The following B3GALT9 variants were observed in gnomAD, a reference collection of about 807,000 sequenced individuals.
B3GALT9 encodes beta-1,3-galactosyltransferase 9, also known as UDP-GlcNAc:betaGal beta-1,3-N-acetylglucosaminyltransferase 10 (putative).
At position 120,796,175 on chromosome 9, in the gene B3GALT9, T is replaced by C. The variant is rs753697067; in HGVS notation, c.-181-248T>C. Among the ~76,000 whole-genome samples, 7 of 152,156 alleles carry C rather than the reference T, an allele frequency of 4.6e-5. No individual in the cohort carries two copies. In the South Asian group the frequency reaches 1.0e-3, roughly 22 times the overall value. On this transcript the variant is annotated intron_variant, in intron 1 of 2. Transcript: ENST00000689072. ...AGCAGGCATTACTCCAGCTGTTTGG[T>C]TTCTTGAGATGCACTCCAAAAAAAA...
At chr9:120,793,961 T>C (rs1588057928) in intron 1 of B3GALT9, 39 bp downstream of exon 1, 1 of 265,518 alleles carries the variant, frequency 3.8e-6, no homozygotes, top group South Asian at 1.7e-4. Context: ...AGTCAAGTGA[T>C]GTAGATTTGA....
rs2044970139 is a variant in B3GALT9, at chr9:120,801,721, C to T, written c.*2043C>T. 6.6e-6 allele frequency among the ~76,000 whole-genome samples: 1 copy of T among 152,224 alleles called. No homozygotes were observed. The highest frequency in any genetic ancestry group is 2.1e-4 in the South Asian group (1 of 4,828). Reference sequence around the variant, plus strand: ...TGCCACTGCACTCCAGCCTGGGCAACAGTCTGAGACTCTATCTCAAAAAAC... The same window carrying T: ...TGCCACTGCACTCCAGCCTGGGCAATAGTCTGAGACTCTATCTCAAAAAAC... On this transcript the variant is annotated 3_prime_UTR_variant, in exon 3 of 3. Coordinates refer to ENST00000689072, the MANE Select transcript of B3GALT9 (RefSeq NM_001386823.1).
In B3GALT9 at chr9:120,798,567, T is replaced by C. The variant is rs1195939016; in HGVS notation, c.7-8T>C. ...GCCTGAATGAACACGTGTCCTTTCC[T>C]TTTTTAGGTGACTTTCTGCAGACTT... is the stretch of plus-strand genomic sequence containing the variant. On this transcript the variant is annotated splice_region_variant and splice_polypyrimidine_tract_variant and intron_variant, in intron 2 of 2. Transcript: ENST00000689072. 2.3e-5 allele frequency: 9 copies of C among 399,592 alleles called. No individual in the cohort carries two copies. Among genetic ancestry groups the C allele is most frequent in the Non-Finnish European group, 3.5e-5 (8 of 226,214 alleles). The allele number at this position is 399,592 out of a possible 1,614,324, so 24.8% of individuals were successfully genotyped here.
Position 120,799,373 on chromosome 9 carries a change from C to G in B3GALT9, c.805C>G (p.Pro269Ala), listed in dbSNP as rs541636936. Residue 269 changes from proline to alanine, a missense_variant, in exon 3 of 3, where the codon CCA becomes GCA. Transcript: ENST00000689072. ...TTTCAAAGAAGTACCCATGATGGTG[C>G]CAGCTGATGTGTTTGTAGGAATTTG... ...VVFKEVPMMV[P>A]ADVFVGICAK... 1 of 399,198 alleles carries G rather than the reference C, an allele frequency of 2.5e-6. No homozygotes were observed. Among genetic ancestry groups the G allele is most frequent in the East Asian group, 3.6e-5 (1 of 28,082 alleles). The allele number at this position is 399,198 out of a possible 1,614,324, so 24.7% of individuals were successfully genotyped here.
At position 120,799,511 on chromosome 9, in the gene B3GALT9, G is replaced by C. The variant is rs2044958082; in HGVS notation, c.943G>C (p.Asp315His). 3 of 399,656 alleles carry C rather than the reference G, an allele frequency of 7.5e-6. No individual in the cohort carries two copies. Among genetic ancestry groups the C allele is most frequent in the Admixed American group, 4.4e-5 (1 of 22,732 alleles). 24.8% of individuals were successfully genotyped at this position (399,656 alleles called of 1,614,324 possible). A position where few individuals can be genotyped will look rare whatever the true frequency, so the allele number is the denominator to read the frequency against. Reference protein sequence around the residue: ...KFIFTSSEIADPEMPLAWKEI... With the variant: ...KFIFTSSEIAHPEMPLAWKEI... ...CATTTTTACATCCTCAGAAATTGCA[G>C]ATCCTGAAATGCCCCTAGCATGGAA... The change falls in exon 3 of 3, where the codon GAT becomes CAT. Residue 315 changes from aspartate (D) to histidine (H), a missense_variant. Coordinates refer to ENST00000689072, the MANE Select transcript of B3GALT9 (RefSeq NM_001386823.1).
intron 1 of B3GALT9, among the ~76,000 whole-genome samples, chr9:120,794,359 G>A (rs2044918033): frequency 6.6e-6 from 1 of 150,448 alleles, no homozygotes; most frequent in African/African-American, 2.5e-5. Flanking sequence ...TTTTTTTGAG[G>A]CAACGTATCA....
chr9:120,794,571 C>T (rs1416209265), intron 1 of B3GALT9, among the ~76,000 whole-genome samples: 1 of 151,200 alleles, frequency 6.6e-6, no homozygotes, highest in Non-Finnish European at 1.5e-5. Flanking sequence ...CAGGGTTTCG[C>T]TATGTTACCC....
At position 120,801,010 on chromosome 9, in the gene B3GALT9, A is replaced by C. The variant is rs141027827; in HGVS notation, c.*1332A>C. ...TGGTTTATTTCATGTAACATAATGCACTCCAGGTTCATCCATGTTGTTGGA... is the reference window on the plus strand; with the variant it reads ...TGGTTTATTTCATGTAACATAATGCCCTCCAGGTTCATCCATGTTGTTGGA... On this transcript the variant is annotated 3_prime_UTR_variant, in exon 3 of 3. Coordinates refer to ENST00000689072, the MANE Select transcript of B3GALT9 (RefSeq NM_001386823.1). Among the ~76,000 whole-genome samples, 844 of 152,230 alleles carry C rather than the reference A, an allele frequency of 5.5e-3. 11 individuals are homozygous for C. Among genetic ancestry groups the C allele is most frequent in the African/African-American group, 0.019 (796 of 41,546 alleles).
rs1016002226 is a variant in B3GALT9, at chr9:120,799,856, T to A, written c.*178T>A. On this transcript the variant is annotated 3_prime_UTR_variant, in exon 3 of 3. Coordinates refer to ENST00000689072, the MANE Select transcript of B3GALT9 (RefSeq NM_001386823.1). Reference sequence around the variant, plus strand: ...CTCAATTACTGAGATCTCAAATTTTTAAAAAATTTAAGTTGGTGTAGCATA... The same window carrying A: ...CTCAATTACTGAGATCTCAAATTTTAAAAAAATTTAAGTTGGTGTAGCATA... The A allele has an allele frequency of 2.6e-6, 1 of 389,500 alleles. No homozygotes were observed. Among genetic ancestry groups the A allele is most frequent in the Non-Finnish European group, 4.5e-6 (1 of 221,178 alleles). 24.1% of individuals were successfully genotyped at this position (389,500 alleles called of 1,614,324 possible).
chr9:120,794,820 C>T (rs928029917), intron 1 of B3GALT9, among the ~76,000 whole-genome samples: 1 of 152,172 alleles, frequency 6.6e-6, no homozygotes, highest in African/African-American at 2.4e-5. Context: ...AAGGCAGTCA[C>T]TAGTCTCTTG....
chr9:120,798,525 A>G (rs2044952662), intron 2 of B3GALT9, 50 bp from the exon 3 acceptor site: 1 of 399,428 alleles, frequency 2.5e-6, no homozygotes. Flanking sequence ...GAGGGCAAAA[A>G]CAGGAATAGA....
chr9:120,801,287 A>G lies in B3GALT9; in HGVS notation c.*1609A>G, dbSNP rs1326663691. Among the ~76,000 whole-genome samples, 3 of 152,172 alleles carry G rather than the reference A, an allele frequency of 2.0e-5. No individual in the cohort carries two copies. Among genetic ancestry groups the G allele is most frequent in the African/African-American group, 7.2e-5 (3 of 41,420 alleles). The stretch of plus-strand genomic sequence containing the variant: ...TTTAATTTTGTGAGGAACCTCCATA[A>G]TGGCTGTATTATTGGTTTACCATAA... On this transcript the variant is annotated 3_prime_UTR_variant, in exon 3 of 3. Transcript: ENST00000689072.
chr9:120,800,254 A>G lies in B3GALT9; in HGVS notation c.*576A>G, dbSNP rs2044962654. Among the ~76,000 whole-genome samples, 2 of 151,900 alleles carry G rather than the reference A, an allele frequency of 1.3e-5. No homozygotes were observed. The highest frequency in any genetic ancestry group is 1.3e-4 in the Admixed American group (2 of 15,256). The stretch of plus-strand genomic sequence containing the variant: ...TGCCTCAGCCTCCCAAGTAGCTGGG[A>G]TTACAGGTGCCTGCCACCACGCCTG... On this transcript the variant is annotated 3_prime_UTR_variant, in exon 3 of 3. Coordinates refer to ENST00000689072, the MANE Select transcript of B3GALT9 (RefSeq NM_001386823.1).
chr9:120,793,771 C>T lies in B3GALT9; in HGVS notation c.-333C>T. On this transcript the variant is annotated 5_prime_UTR_variant, in exon 1 of 3. Transcript: ENST00000689072. ...AGAGACGTGTCCAAATTCATACAACCTGTTGGGCACCTCTTTATCCCGAAC... is the reference window on the plus strand; with the variant it reads ...AGAGACGTGTCCAAATTCATACAACTTGTTGGGCACCTCTTTATCCCGAAC... 2.5e-6 allele frequency: 1 copy of T among 397,628 alleles called. No homozygotes were observed. Among genetic ancestry groups the T allele is most frequent in the Non-Finnish European group, 4.4e-6 (1 of 225,628 alleles). The allele number at this position is 397,628 out of a possible 1,614,324, so 24.6% of individuals were successfully genotyped here. A position where few individuals can be genotyped will look rare whatever the true frequency, so the allele number is the denominator to read the frequency against.
intron 1 of B3GALT9, among the ~76,000 whole-genome samples, chr9:120,795,011 C>T (rs1326658385): frequency 6.6e-6 from 1 of 152,090 alleles, no homozygotes; most frequent in Non-Finnish European, 1.5e-5. Flanking sequence ...AGGTTCCAAG[C>T]ATCCTGACTT....
At chr9:120,795,592 G>C (rs2131403853) in intron 1 of B3GALT9, among the ~76,000 whole-genome samples, 1 of 152,270 alleles carries the variant, frequency 6.6e-6, no homozygotes, top group Admixed American at 6.5e-5. Flanking sequence ...AAGATTGTAT[G>C]ATGGTTGCTG....
chr9:120,798,511 C>T (rs2044952593), intron 2 of B3GALT9, 64 bp from the exon 3 acceptor site: 2 of 398,970 alleles, frequency 5.0e-6, no homozygotes, highest in African/African-American at 4.1e-5. Flanking sequence ...GTATAGGGTT[C>T]AATGAGGGCA....
intron 1 of B3GALT9, among the ~76,000 whole-genome samples, chr9:120,794,655 G>A (rs2044923311): frequency 6.6e-6 from 1 of 152,024 alleles, no homozygotes; most frequent in East Asian, 1.9e-4. Context: ...GATTACAGGG[G>A]TGAACCACAA....
chr9:120,794,983 G>C (rs934159148), intron 1 of B3GALT9, among the ~76,000 whole-genome samples: 1 of 152,200 alleles, frequency 6.6e-6, no homozygotes, highest in African/African-American at 2.4e-5. Context: ...ATATCCAGTA[G>C]ATGGTAGAGC....
Sources: gnomAD v4.1 joint callset for allele counts (sites outside exome capture counted in the v4.1 genomes callset) on GRCh38, gnomAD v4.1.1 for gene constraint, MANE v1.5 for transcripts, NCBI Gene and HGNC (gene_info 2026-07-23, HGNC 2026-07-21) for gene names.